LRRC4B: variants seen among roughly 807,000 people sequenced by gnomAD.
LRRC4B encodes the protein leucine-rich repeat-containing protein 4B.
A neutral mutation model predicts 7.3 loss-of-function variants in LRRC4B; 1 was observed. The observed-to-expected ratio is 0.14, with a 90% CI of 0.05 to 0.65. The LOEUF (loss-of-function observed/expected upper bound fraction) is 0.65, where lower values mean the gene tolerates loss of function less well. LRRC4B is among the 30% of genes least tolerant of loss of function. The pLI is 0.84. For missense variants in LRRC4B, 730 were observed against 1,041.6 expected (o/e 0.70, Z 4.12); for synonymous variants, 500 against 499.2 (o/e 1.00, Z -0.02).
In LRRC4B at chr19:50,563,910, T is replaced by A. The variant is rs1982547035; in HGVS notation, c.-36+4034A>T. Among the ~76,000 whole-genome samples, 1 of 152,008 alleles carries A rather than the reference T, an allele frequency of 6.6e-6. No individual in the cohort carries two copies. The highest frequency in any genetic ancestry group is 2.1e-4 in the South Asian group (1 of 4,818). ...TGCTCTCGGCAAGGGAAGGAGGCCA[T>A]TTAAGTGGAAACAGGGCCCAGTCAA... is the stretch of plus-strand genomic sequence containing the variant. On this transcript the variant is annotated intron_variant, in intron 1 of 2. Transcript: ENST00000652263. This position sits in a 1 kb window ranked among gnomAD's most constrained non-coding sequence, Gnocchi z 4.9.
At chr19:50,560,680 C>T (rs1362104187) in intron 1 of LRRC4B, among the ~76,000 whole-genome samples, 1 of 152,244 alleles carries the variant, frequency 6.6e-6, no homozygotes, top group African/African-American at 2.4e-5. Context: ...GTGTCCCCCG[C>T]CCCAGGCTCC....
intron 2 of LRRC4B, among the ~76,000 whole-genome samples, chr19:50,522,459 A>ATTATTTGTTTATTTAT (rs1980622879): frequency 1.4e-5 from 2 of 147,094 alleles, no homozygotes; most frequent in African/African-American, 5.0e-5. Flanking sequence ...TATTTTATTT[A>ATTATTTGTTTATTTAT]TTATTTATTT....
At chr19:50,534,843 G>A (rs548865202) in intron 2 of LRRC4B, among the ~76,000 whole-genome samples, 1 of 152,194 alleles carries the variant, frequency 6.6e-6, no homozygotes, top group South Asian at 2.1e-4. Context: ...TAAGTGAACT[G>A]TTCATCTTAA....
intron 1 of LRRC4B, among the ~76,000 whole-genome samples, chr19:50,562,928 CG>C (rs1257433611): frequency 6.6e-6 from 1 of 151,872 alleles, no homozygotes; most frequent in South Asian, 2.1e-4. Flanking sequence ...TTGGTAGAGA[CG>C]GGGTTTCACC....
intron 1 of LRRC4B, among the ~76,000 whole-genome samples, chr19:50,551,973 G>A (rs983011997): frequency 2.4e-4 from 36 of 148,584 alleles, no homozygotes; most frequent in African/African-American, 4.7e-4. Flanking sequence ...CCCCTCCCCC[G>A]CTAATCAAAG....
chr19:50,564,690 A>T (rs1044653310), intron 1 of LRRC4B, among the ~76,000 whole-genome samples: 8 of 151,926 alleles, frequency 5.3e-5, no homozygotes, highest in African/African-American at 1.7e-4. Context: ...ACACCTCGAG[A>T]CAGATGCCCG....
intron 1 of LRRC4B, among the ~76,000 whole-genome samples, chr19:50,565,742 G>T (rs557364428): frequency 1.6e-3 from 244 of 151,914 alleles, no homozygotes; most frequent in African/African-American, 5.6e-3. Context: ...CACCCCGCGG[G>T]TCTGTCCCAC....
At chr19:50,542,758 T>C (rs1291562434) in intron 2 of LRRC4B, among the ~76,000 whole-genome samples, 2 of 152,066 alleles carry the variant, frequency 1.3e-5, no homozygotes, top group South Asian at 2.1e-4. Flanking sequence ...ATTACAGGCA[T>C]AGCCACCGCG....
At chr19:50,562,075 G>A (rs1354043780) in intron 1 of LRRC4B, among the ~76,000 whole-genome samples, 9 of 150,618 alleles carry the variant, frequency 6.0e-5, no homozygotes, top group South Asian at 4.2e-4. Context: ...CCGAGATCGC[G>A]CCACTGCACT....
Position 50,553,336 on chromosome 19 carries a change from T to A in LRRC4B, c.-35-4463A>T, listed in dbSNP as rs897394521. Among the ~76,000 whole-genome samples, 1 of 152,110 alleles carries A rather than the reference T, an allele frequency of 6.6e-6. No individual in the cohort carries two copies. The highest frequency in any genetic ancestry group is 1.5e-5 in the Non-Finnish European group (1 of 68,020). The stretch of plus-strand genomic sequence containing the variant: ...CAGCCTTCCACAGCTCCCGTCCCAC[T>A]CAGAGCAGAGATGAGGACTTCAGTT... On this transcript the variant is annotated intron_variant, in intron 1 of 2. Transcript: ENST00000652263. This position sits in a 1 kb window ranked among gnomAD's most constrained non-coding sequence, Gnocchi z 4.2.
chr19:50,552,571 CCCATCCGTCCAT>C (rs1381778678), intron 1 of LRRC4B, among the ~76,000 whole-genome samples: 1 of 142,382 alleles, frequency 7.0e-6, no homozygotes, highest in African/African-American at 2.7e-5. Flanking sequence ...CATCCGTCCA[CCCATCCGTCCAT>C]CCATCTGTCC....
intron 2 of LRRC4B, among the ~76,000 whole-genome samples, chr19:50,523,142 G>A (rs1980654559): frequency 6.6e-6 from 1 of 152,178 alleles, no homozygotes. Flanking sequence ...CGGGAGGCAG[G>A]AGCTCACAGG....
chr19:50,522,463 T>A (rs571152682), intron 2 of LRRC4B, among the ~76,000 whole-genome samples: 90 of 101,900 alleles, frequency 8.8e-4, no homozygotes, highest in Admixed American at 6.2e-3. Flanking sequence ...TTATTTATTA[T>A]TTATTTATTT....
At chr19:50,528,601 T>TC (rs1020427435) in intron 2 of LRRC4B, among the ~76,000 whole-genome samples, 1 of 152,208 alleles carries the variant, frequency 6.6e-6, no homozygotes, top group African/African-American at 2.4e-5. Context: ...CGCCTTGCCC[T>TC]CCCAAAGTGC....
intron 2 of LRRC4B, among the ~76,000 whole-genome samples, chr19:50,547,760 G>T (rs1388827089): frequency 6.6e-6 from 1 of 151,210 alleles, no homozygotes; most frequent in Non-Finnish European, 1.5e-5. Context: ...ATAGGGCAGA[G>T]GTTGAGAAGC....
chr19:50,546,388 G>A (rs956322707), intron 2 of LRRC4B, among the ~76,000 whole-genome samples: 3 of 152,060 alleles, frequency 2.0e-5, no homozygotes, highest in Non-Finnish European at 2.9e-5. Context: ...TACCCTCGAC[G>A]TGGTCCATGC....
rs747121793 is a variant in LRRC4B at position 50,519,405 on chromosome 19, G to C, written c.308C>G (p.Thr103Arg). ...LQENGIQVIRTDTFKHLRHLE... is the reference protein window; with the variant it reads ...LQENGIQVIRRDTFKHLRHLE... ...GTGCCGCAGGTGCTTGAACGTGTCCGTCCGGATCACCTGGGGAGAGGGAGA... is the reference window on the plus strand; with the variant it reads ...GTGCCGCAGGTGCTTGAACGTGTCCCTCCGGATCACCTGGGGAGAGGGAGA... Residue 103 changes from threonine (T) to arginine (R), a missense_variant, in exon 3 of 3, where the codon ACG becomes AGG. Physicochemically the swap from Thr to Arg is moderately conservative, Grantham distance 71 (BLOSUM62 -1). Around this residue, in one of 6 missense-constraint regions of LRRC4B, gnomAD observed 143 missense variants for 158.4 expected, o/e 0.90. Transcript: ENST00000652263. This position sits in a 1 kb window ranked among gnomAD's most constrained non-coding sequence, Gnocchi z 8.1. 6.3e-7 allele frequency: 1 copy of C among 1,594,572 alleles called. No individual in the cohort carries two copies. Among genetic ancestry groups the C allele is most frequent in the Admixed American group, 1.7e-5 (1 of 59,336 alleles).
At chr19:50,549,484 C>T (rs915633992) in intron 1 of LRRC4B, among the ~76,000 whole-genome samples, 11 of 152,158 alleles carry the variant, frequency 7.2e-5, no homozygotes, top group African/African-American at 2.4e-4. Context: ...TCAGCTAAAC[C>T]GAAAGACCCT....
intron 2 of LRRC4B, among the ~76,000 whole-genome samples, chr19:50,547,677 AC>A (rs1388235617): frequency 6.7e-6 from 1 of 148,308 alleles, no homozygotes; most frequent in Non-Finnish European, 1.5e-5. Context: ...ATGCTGGTAA[AC>A]ATCCTACAGC....
Sources: allele counts gnomAD v4.1 joint callset (sites outside exome capture counted in the v4.1 genomes callset), GRCh38; gene constraint gnomAD v4.1.1; regional missense constraint gnomAD v4.1.1; non-coding constraint Gnocchi (gnomAD v3.1); transcripts MANE v1.5; gene names NCBI Gene and HGNC (gene_info 2026-07-23, HGNC 2026-07-21).